Variants in CWC27 observed in about 807,000 individuals in gnomAD.
CWC27 encodes CWC27 spliceosome associated cyclophilin, also known as spliceosome-associated protein CWC27 homolog.
A neutral mutation model predicts 63.6 loss-of-function variants in CWC27; 47 were observed. That is an observed-to-expected ratio of 0.74 (90% CI 0.58 to 0.94). The LOEUF (loss-of-function observed/expected upper bound fraction) is 0.94. Among genes scored for constraint, CWC27 ranks in the 40% least tolerant of loss-of-function variants. CWC27 has a pLI of 0.00. For synonymous variants in CWC27, 175 were observed against 179.8 expected, an observed-to-expected ratio of 0.97 and a Z score of 0.22; for missense variants, 495 against 554.3, an observed-to-expected ratio of 0.89 and a Z score of 1.07.
intron 11 of CWC27, among the ~76,000 whole-genome samples, chr5:64,896,642 A>T (rs2112358111): frequency 6.6e-6 from 1 of 151,984 alleles, no homozygotes; most frequent in African/African-American, 2.4e-5. Flanking sequence ...AAGGGTCTTA[A>T]CTTCCAAACC....
chr5:64,845,115 G>A (rs984747634), intron 10 of CWC27: 1 of 428,914 alleles, frequency 2.3e-6, no homozygotes, highest in Admixed American at 2.5e-5. Flanking sequence ...AGTCTATCCA[G>A]CAGCCCCATG....
At chr5:64,797,675 G>T (rs1454852369) in intron 7 of CWC27, among the ~76,000 whole-genome samples, 1 of 152,022 alleles carries the variant, frequency 6.6e-6, no homozygotes, top group Admixed American at 6.6e-5. Context: ...TTAGCTAAAT[G>T]GAGCTAATTA....
chr5:65,012,530 A>G (rs958123232), intron 13 of CWC27, among the ~76,000 whole-genome samples: 2 of 152,170 alleles, frequency 1.3e-5, no homozygotes, highest in African/African-American at 4.8e-5. Context: ...TGTTTACTTC[A>G]TGGAAGTAGG....
chr5:64,941,894 G>A (rs1748489506), intron 11 of CWC27, among the ~76,000 whole-genome samples: 1 of 151,852 alleles, frequency 6.6e-6, no homozygotes, highest in Non-Finnish European at 1.5e-5. Context: ...TTCCTTATCT[G>A]TAAGATGAGA....
intron 10 of CWC27, among the ~76,000 whole-genome samples, chr5:64,845,877 G>A (rs985133313): frequency 2.0e-5 from 3 of 152,186 alleles, no homozygotes; most frequent in African/African-American, 7.2e-5. Flanking sequence ...CCAGGTACAA[G>A]AAGCACAGAA....
intron 10 of CWC27, among the ~76,000 whole-genome samples, chr5:64,871,350 G>A (rs1746671554): frequency 6.6e-6 from 1 of 152,064 alleles, no homozygotes; most frequent in Non-Finnish European, 1.5e-5. Flanking sequence ...CATCAGTATT[G>A]AGAGTCCAGT....
chr5:64,999,317 A>T lies in CWC27; in HGVS notation c.1257-18842A>T, dbSNP rs114191589. Among the ~76,000 whole-genome samples the T allele has an allele frequency of 4.5e-3, 682 of 152,186 alleles. 7 individuals carry two copies. Among genetic ancestry groups the T allele is most frequent in the East Asian group, 0.023 (117 of 5,184 alleles). ...TGATAGGTGGATACAATGTGTAATG[A>T]TCACCTCAAACATTTATCATTCCTT... On this transcript the variant is annotated intron_variant, in intron 13 of 13. Coordinates refer to ENST00000381070, the MANE Select transcript of CWC27 (RefSeq NM_005869.4).
chr5:64,780,034 T>C (rs1743607259), intron 2 of CWC27, among the ~76,000 whole-genome samples: 1 of 152,162 alleles, frequency 6.6e-6, no homozygotes, highest in Non-Finnish European at 1.5e-5. Context: ...GGGTATTTCT[T>C]CATAGCAGTG....
intron 10 of CWC27, among the ~76,000 whole-genome samples, chr5:64,810,046 C>T (rs1232044906): frequency 6.6e-6 from 1 of 151,862 alleles, no homozygotes; most frequent in East Asian, 1.9e-4. Flanking sequence ...ATCCGTAAGT[C>T]TTTTATCCAT....
intron 10 of CWC27, among the ~76,000 whole-genome samples, chr5:64,821,338 C>T (rs968792564): frequency 6.6e-6 from 1 of 151,884 alleles, no homozygotes; most frequent in African/African-American, 2.4e-5. Flanking sequence ...CATGCCCGGC[C>T]AACAAAGTAA....
At chr5:64,834,967 A>G (rs1745622912) in intron 10 of CWC27, among the ~76,000 whole-genome samples, 1 of 151,796 alleles carries the variant, frequency 6.6e-6, no homozygotes, top group Non-Finnish European at 1.5e-5. Context: ...TGGAGATTGC[A>G]TAGTATAGAA....
chr5:64,933,562 G>C (rs1417428673), intron 11 of CWC27, among the ~76,000 whole-genome samples: 1 of 148,426 alleles, frequency 6.7e-6, no homozygotes, highest in African/African-American at 2.5e-5. Flanking sequence ...GCGCGATCTC[G>C]GCTCGCTGCA....
intron 10 of CWC27, among the ~76,000 whole-genome samples, chr5:64,876,538 T>C (rs1458881567): frequency 1.3e-5 from 2 of 152,124 alleles, no homozygotes; most frequent in African/African-American, 4.8e-5. Context: ...ACAAGGCCTC[T>C]AAGCAAGTTC....
chr5:64,904,492 G>A (rs1424932866), intron 11 of CWC27, among the ~76,000 whole-genome samples: 1 of 152,150 alleles, frequency 6.6e-6, no homozygotes, highest in Non-Finnish European at 1.5e-5. Context: ...CTTACCATAT[G>A]CACCTCTCCA....
chr5:64,817,863 T>C (rs1403684890), intron 10 of CWC27, among the ~76,000 whole-genome samples: 1 of 152,166 alleles, frequency 6.6e-6, no homozygotes, highest in Non-Finnish European at 1.5e-5. Flanking sequence ...AAGCCTTCAG[T>C]AGGATTTCCA....
At chr5:64,983,506 T>C (rs1228269733) in intron 13 of CWC27, among the ~76,000 whole-genome samples, 1 of 152,206 alleles carries the variant, frequency 6.6e-6, no homozygotes, top group Non-Finnish European at 1.5e-5. Flanking sequence ...GGACAAGTCA[T>C]CTCTGGTCAT....
intron 11 of CWC27, among the ~76,000 whole-genome samples, chr5:64,895,892 A>T (rs1747361831): frequency 6.6e-6 from 1 of 152,214 alleles, no homozygotes; most frequent in Admixed American, 6.5e-5. Flanking sequence ...GCCCAAAAAC[A>T]GATTGGAAAC....
intron 10 of CWC27, among the ~76,000 whole-genome samples, chr5:64,833,748 C>T (rs778674675): frequency 6.6e-5 from 10 of 151,716 alleles, no homozygotes; most frequent in Non-Finnish European, 1.2e-4. Context: ...ATTTTTGCCA[C>T]ACAATGTAGG....
chr5:64,834,762 T>C (rs1276850733), intron 10 of CWC27, among the ~76,000 whole-genome samples: 1 of 151,824 alleles, frequency 6.6e-6, no homozygotes, highest in Admixed American at 6.6e-5. Context: ...ATGCTTATAC[T>C]ATCCTGTTTC....
Sources: gnomAD v4.1 joint callset for allele counts (sites outside exome capture counted in the v4.1 genomes callset) on GRCh38, gnomAD v4.1.1 for gene constraint, MANE v1.5 for transcripts, NCBI Gene and HGNC (gene_info 2026-07-23, HGNC 2026-07-21) for gene names.